FAT3: variants seen among roughly 807,000 people sequenced by gnomAD.
FAT3 encodes the protein FAT atypical cadherin 3, also known as protocadherin Fat 3.
FAT3 carries 95 observed loss-of-function variants against 310.2 expected under a neutral mutation model. That is an observed-to-expected ratio of 0.31 (90% CI 0.26 to 0.36). FAT3 has a LOEUF of 0.36. Among genes scored for constraint, FAT3 ranks in the 10% least tolerant of loss-of-function variants. FAT3 has a pLI of 1.00. For missense variants in FAT3, 5,408 were observed against 5,715.6 expected (o/e 0.95, Z 1.74); for synonymous variants, 2,314 against 2,192.9 (o/e 1.06, Z -1.54).
At chr11:92,567,665 A>C (rs543975323) in intron 3 of FAT3, among the ~76,000 whole-genome samples, 35 of 152,222 alleles carry the variant, frequency 2.3e-4, no homozygotes, top group African/African-American at 7.9e-4. Context: ...GACTGGATTA[A>C]GAAAATGTGG....
chr11:92,450,625 A>T (rs897923840), intron 2 of FAT3, among the ~76,000 whole-genome samples: 1 of 152,184 alleles, frequency 6.6e-6, no homozygotes, highest in African/African-American at 2.4e-5. Context: ...GGAATTAAAC[A>T]TGGGAATTTG....
At chr11:92,858,963 A>T (rs1043324660) in intron 20 of FAT3, among the ~76,000 whole-genome samples, 4 of 152,078 alleles carry the variant, frequency 2.6e-5, no homozygotes, top group Non-Finnish European at 4.4e-5. Context: ...ACTGGTTAAT[A>T]TTTTTTTCAC....
Position 92,658,235 on chromosome 11 carries a change from CTCACTTAAACAAGT to C in FAT3, c.3608-39147_3608-39134del, listed in dbSNP as rs1942649122. Among the ~76,000 whole-genome samples the C allele has an allele frequency of 2.6e-5, 4 of 152,244 alleles. No individual in the cohort carries two copies. The South Asian group carries it at 8.3e-4, about 32-fold the overall frequency. On this transcript the variant is annotated intron_variant, in intron 3 of 27. Coordinates refer to ENST00000525166, the MANE Select transcript of FAT3 (RefSeq NM_001367949.2). ...TGAAATTTACAGTTGGAAAAATAAG[CTCACTTAAACAAGT>C]TGTTCCAAATATATTTGAGAAGTGT...
chr11:92,505,952 T>A (rs1181191394), intron 2 of FAT3, among the ~76,000 whole-genome samples: 1 of 152,054 alleles, frequency 6.6e-6, no homozygotes, highest in East Asian at 1.9e-4. Flanking sequence ...TCTGTCTAGT[T>A]GCGGGGTGGG....
chr11:92,472,292 C>G (rs769454373), intron 2 of FAT3, among the ~76,000 whole-genome samples: 2 of 152,084 alleles, frequency 1.3e-5, no homozygotes, highest in African/African-American at 2.4e-5. Context: ...TATCAGTTCC[C>G]CATACCCTGA....
chr11:92,505,388 C>T (rs148603407), intron 2 of FAT3, among the ~76,000 whole-genome samples: 152 of 152,240 alleles, frequency 1.0e-3, no homozygotes, highest in Middle Eastern at 3.4e-3. Flanking sequence ...CTGTGGGTGT[C>T]TGTTTCCCTG....
intron 2 of FAT3, among the ~76,000 whole-genome samples, chr11:92,394,882 C>T (rs1474025770): frequency 6.6e-6 from 1 of 152,108 alleles, no homozygotes; most frequent in East Asian, 1.9e-4. Flanking sequence ...AGTTCTTTTC[C>T]TACACTGCCT....
intron 2 of FAT3, among the ~76,000 whole-genome samples, chr11:92,409,993 G>GTA (rs1361121553): frequency 1.3e-5 from 2 of 152,064 alleles, no homozygotes; most frequent in African/African-American, 4.8e-5. Flanking sequence ...TAAATAAGAA[G>GTA]TATACATTGT....
intron 1 of FAT3, among the ~76,000 whole-genome samples, chr11:92,243,997 T>C (rs1462092154): frequency 6.6e-6 from 1 of 152,114 alleles, no homozygotes; most frequent in Non-Finnish European, 1.5e-5. Context: ...TTCTAGTCCA[T>C]TTCTTATATG....
intron 20 of FAT3, among the ~76,000 whole-genome samples, chr11:92,858,548 T>G (rs1199807294): frequency 6.6e-6 from 1 of 152,136 alleles, no homozygotes; most frequent in East Asian, 1.9e-4. Flanking sequence ...TGAAGGCAAT[T>G]TAAAAAAAAG....
At chr11:92,237,436 CT>C (rs1321410715) in intron 1 of FAT3, among the ~76,000 whole-genome samples, 1 of 152,118 alleles carries the variant, frequency 6.6e-6, no homozygotes, top group East Asian at 1.9e-4. Context: ...GGACTAGGGA[CT>C]TTTCCCTTAT....
At chr11:92,559,246 G>A (rs1377041146) in intron 3 of FAT3, among the ~76,000 whole-genome samples, 2 of 151,968 alleles carry the variant, frequency 1.3e-5, no homozygotes, top group African/African-American at 4.8e-5. Context: ...TCACCACAAT[G>A]TATTTTAGAA....
chr11:92,735,095 G>C (rs1036656761), intron 4 of FAT3, among the ~76,000 whole-genome samples: 1 of 152,106 alleles, frequency 6.6e-6, no homozygotes, highest in Non-Finnish European at 1.5e-5. Flanking sequence ...GGAACTCCCG[G>C]TAAAGTTTGA....
At chr11:92,789,647 T>A (rs1378883709) in intron 7 of FAT3, among the ~76,000 whole-genome samples, 1 of 152,212 alleles carries the variant, frequency 6.6e-6, no homozygotes, top group Non-Finnish European at 1.5e-5. Context: ...TCATATACAT[T>A]GTGCATCAAA....
At chr11:92,227,239 C>T (rs1240858044) in intron 1 of FAT3, among the ~76,000 whole-genome samples, 1 of 152,216 alleles carries the variant, frequency 6.6e-6, no homozygotes, top group Non-Finnish European at 1.5e-5. Flanking sequence ...AATTTTCTGG[C>T]CCCGACGCTA....
At chr11:92,687,381 CGTT>C (rs773639520) in intron 3 of FAT3, among the ~76,000 whole-genome samples, 1 of 152,172 alleles carries the variant, frequency 6.6e-6, no homozygotes, top group Non-Finnish European at 1.5e-5. Context: ...GCTTCTGTCT[CGTT>C]AATCTTAAAT....
chr11:92,424,657 G>A (rs1417944188), intron 2 of FAT3, among the ~76,000 whole-genome samples: 3 of 152,086 alleles, frequency 2.0e-5, no homozygotes, highest in Non-Finnish European at 4.4e-5. Flanking sequence ...GAAGAAGGAG[G>A]AAGAACTCTG....
intron 3 of FAT3, among the ~76,000 whole-genome samples, chr11:92,575,507 T>G (rs958889914): frequency 2.0e-5 from 3 of 152,218 alleles, no homozygotes; most frequent in Non-Finnish European, 4.4e-5. Context: ...ATATCAATCC[T>G]CTCTAAAAAC....
intron 1 of FAT3, among the ~76,000 whole-genome samples, chr11:92,248,371 C>G (rs1461012702): frequency 6.6e-6 from 1 of 152,070 alleles, no homozygotes; most frequent in African/African-American, 2.4e-5. Context: ...TGGCATTACC[C>G]TCTGCATACT....
Sources: allele counts gnomAD v4.1 joint callset (sites outside exome capture counted in the v4.1 genomes callset), GRCh38; gene constraint gnomAD v4.1.1; transcripts MANE v1.5; gene names NCBI Gene and HGNC (gene_info 2026-07-23, HGNC 2026-07-21).